Variants in IL1RL1 observed in about 807,000 individuals in gnomAD.
The protein encoded by IL1RL1 is interleukin-1 receptor-like 1.
A neutral mutation model predicts 50.9 loss-of-function variants in IL1RL1; 32 were observed. The observed-to-expected ratio is 0.63, with a 90% CI of 0.47 to 0.84. The LOEUF (loss-of-function observed/expected upper bound fraction) is 0.84. Among genes scored for constraint, IL1RL1 ranks in the 40% least tolerant of loss-of-function variants. The pLI is 0.00. For synonymous variants in IL1RL1, 275 were observed against 236.0 expected, an observed-to-expected ratio of 1.17 and a Z score of -1.51; for missense variants, 773 against 662.9, an observed-to-expected ratio of 1.17 and a Z score of -1.82.
intron 8 of IL1RL1, 39 bp from the exon 9 acceptor site, chr2:102,347,906 T>A: frequency 8.3e-7 from 1 of 1,205,206 alleles, no homozygotes; most frequent in Non-Finnish European, 1.2e-6. Context: ...TATATCTTGT[T>A]TCAGTAGTAA....
At chr2:102,323,290 G>T (rs1443972813) in intron 1 of IL1RL1, among the ~76,000 whole-genome samples, 1 of 145,302 alleles carries the variant, frequency 6.9e-6, no homozygotes. Context: ...GTGTGTGTGT[G>T]TGTGTATATA....
intron 1 of IL1RL1, among the ~76,000 whole-genome samples, chr2:102,321,700 C>T (rs1049441934): frequency 2.6e-5 from 4 of 152,196 alleles, no homozygotes; most frequent in African/African-American, 9.7e-5. Flanking sequence ...TTACCAAAAT[C>T]ACCAAGGAAT....
intron 1 of IL1RL1, among the ~76,000 whole-genome samples, chr2:102,327,105 T>C (rs994394563): frequency 2.6e-5 from 4 of 152,104 alleles, no homozygotes; most frequent in Non-Finnish European, 5.9e-5. Flanking sequence ...TAGTTGGAAA[T>C]AAAGCACTCC....
intron 1 of IL1RL1, among the ~76,000 whole-genome samples, chr2:102,333,642 T>C (rs1228330220): frequency 6.6e-6 from 1 of 152,192 alleles, no homozygotes; most frequent in Non-Finnish European, 1.5e-5. Flanking sequence ...CATGTACTTG[T>C]TTGTTACAAA....
chr2:102,349,039 G>A (rs759424916), intron 9 of IL1RL1, 40 bp from the exon 10 acceptor site: 1 of 1,538,308 alleles, frequency 6.5e-7, no homozygotes, highest in African/African-American at 1.4e-5. Flanking sequence ...AGAATTTTTA[G>A]AATCAAGTAA....
chr2:102,312,043 T>G (rs56206031), intron 1 of IL1RL1, among the ~76,000 whole-genome samples: 1 of 64,708 alleles, frequency 1.5e-5, no homozygotes, highest in African/African-American at 6.3e-5. Flanking sequence ...TATTAAATAT[T>G]ATATATATAA....
Position 102,343,727 on chromosome 2 carries a change from G to C in IL1RL1, c.970+312G>C, listed in dbSNP as rs1159853573. On this transcript the variant is annotated intron_variant, in intron 8 of 10. Coordinates refer to ENST00000233954, the MANE Select transcript of IL1RL1 (RefSeq NM_016232.5). The stretch of plus-strand genomic sequence containing the variant: ...GAACTCCCTCTGTGTCACTGTATGT[G>C]AAAGGAAATGCACCAACAACCGTAA... 3.2e-6 allele frequency: 4 copies of C among 1,268,926 alleles called. No homozygotes were observed. The East Asian group carries it at 1.0e-4, about 33-fold the overall frequency. 78.6% of individuals were successfully genotyped at this position (1,268,926 alleles called of 1,614,324 possible).
At chr2:102,350,714 G>T (rs1054898680) in intron 10 of IL1RL1, among the ~76,000 whole-genome samples, 4 of 56,846 alleles carry the variant, frequency 7.0e-5, no homozygotes, top group Non-Finnish European at 1.4e-4. Flanking sequence ...CTGGCAGGAG[G>T]TCAGAGGGTG....
At chr2:102,320,734 T>C (rs1676812497) in intron 1 of IL1RL1, among the ~76,000 whole-genome samples, 1 of 152,080 alleles carries the variant, frequency 6.6e-6, no homozygotes, top group South Asian at 2.1e-4. Context: ...GTCCTACTAG[T>C]TCTACCCTCA....
intron 1 of IL1RL1, among the ~76,000 whole-genome samples, chr2:102,312,432 G>A (rs1290394003): frequency 6.6e-6 from 1 of 151,838 alleles, no homozygotes; most frequent in African/African-American, 2.4e-5. Context: ...CCAACGTGTT[G>A]GAAAAGACCT....
chr2:102,337,338 G>A (rs1359785402), intron 1 of IL1RL1: 1 of 152,182 alleles, frequency 6.6e-6, no homozygotes, highest in Non-Finnish European at 1.5e-5. Context: ...TTCAGTTTGG[G>A]TAAGCATCAA....
intron 1 of IL1RL1, among the ~76,000 whole-genome samples, chr2:102,314,882 A>G (rs1184088219): frequency 6.6e-6 from 1 of 152,064 alleles, no homozygotes; most frequent in East Asian, 1.9e-4. Context: ...CAGTACTGAT[A>G]ATGCCAAGGT....
chr2:102,348,757 A>T (rs1677849405), intron 9 of IL1RL1, among the ~76,000 whole-genome samples: 1 of 152,194 alleles, frequency 6.6e-6, no homozygotes, highest in Non-Finnish European at 1.5e-5. Context: ...ACCAAAGATG[A>T]AACCAAAGTC....
At chr2:102,334,854 G>C (rs993487076) in intron 1 of IL1RL1, among the ~76,000 whole-genome samples, 1 of 152,152 alleles carries the variant, frequency 6.6e-6, no homozygotes, top group African/African-American at 2.4e-5. Context: ...CATTCCATAT[G>C]CCAGCAGTTA....
At chr2:102,347,906 T>C in intron 8 of IL1RL1, 39 bp from the exon 9 acceptor site, 2 of 1,205,206 alleles carry the variant, frequency 1.7e-6, no homozygotes, top group South Asian at 1.3e-5. Flanking sequence ...TATATCTTGT[T>C]TCAGTAGTAA....
At chr2:102,342,346 T>C (rs999034568) in intron 6 of IL1RL1, 52 bp downstream of exon 6, 3 of 1,262,886 alleles carry the variant, frequency 2.4e-6, no homozygotes, top group East Asian at 4.6e-5. Context: ...AATCCTTCCA[T>C]ATGACCCCTG....
chr2:102,342,848 A>T (rs1322873871), intron 6 of IL1RL1, among the ~76,000 whole-genome samples, 188 bp from the exon 7 acceptor site: 1 of 152,078 alleles, frequency 6.6e-6, no homozygotes, highest in African/African-American at 2.4e-5. Context: ...AGCTGGGTGA[A>T]TGAAGGTAAT....
intron 8 of IL1RL1, chr2:102,345,579 G>T (rs1276767923): frequency 2.0e-6 from 2 of 985,352 alleles, no homozygotes; most frequent in Non-Finnish European, 2.4e-6. Flanking sequence ...GAAAGGATAG[G>T]GGTGTGGGGA....
intron 10 of IL1RL1, among the ~76,000 whole-genome samples, 156 bp downstream of exon 10, chr2:102,349,402 C>A (rs905398066): frequency 2.0e-5 from 3 of 152,308 alleles, no homozygotes; most frequent in Admixed American, 2.0e-4. Context: ...GACACTTATC[C>A]TTCAATCGCC....
Sources: allele counts gnomAD v4.1 joint callset (sites outside exome capture counted in the v4.1 genomes callset), GRCh38; gene constraint gnomAD v4.1.1; transcripts MANE v1.5; gene names NCBI Gene and HGNC (gene_info 2026-07-23, HGNC 2026-07-21).